Variants in SMU1 observed in about 807,000 individuals in gnomAD.
The protein encoded by SMU1 is SMU1 DNA replication regulator and spliceosomal factor.
In SMU1, 2 loss-of-function variants were observed where a neutral mutation model predicts 62.0. That is an observed-to-expected ratio of 0.03 (90% CI 0.01 to 0.10). The LOEUF is 0.10. Among genes scored for constraint, SMU1 ranks in the 10% least tolerant of loss-of-function variants. The pLI is 1.00. For synonymous variants in SMU1, 188 were observed against 212.4 expected (o/e 0.89, Z 1.00); for missense variants, 227 against 622.1 (o/e 0.36, Z 6.76).
intron 3 of SMU1, 79 bp downstream of exon 3, chr9:33,071,661 G>C: frequency 8.1e-7 from 1 of 1,233,240 alleles, no homozygotes; most frequent in Non-Finnish European, 1.1e-6. Context: ...ACAATAAAAT[G>C]GTAAAAAAAA....
intron 1 of SMU1, among the ~76,000 whole-genome samples, chr9:33,076,317 T>G (rs1839545312): frequency 6.6e-6 from 1 of 152,132 alleles, no homozygotes; most frequent in African/African-American, 2.4e-5. Context: ...GCGCCAGCAG[T>G]CGGCCAAGGA....
intron 6 of SMU1, 48 bp downstream of exon 6, chr9:33,060,417 G>C (rs777715001): frequency 6.6e-7 from 1 of 1,519,444 alleles, no homozygotes; most frequent in South Asian, 1.2e-5. Context: ...GTAATTCAAA[G>C]CAGGTAATTT....
chr9:33,051,529 G>A (rs1839249014), intron 10 of SMU1, among the ~76,000 whole-genome samples: 1 of 152,172 alleles, frequency 6.6e-6, no homozygotes, highest in African/African-American at 2.4e-5. Flanking sequence ...TCTGGCACGA[G>A]ATACTGATAG....
intron 4 of SMU1, among the ~76,000 whole-genome samples, chr9:33,066,913 A>G (rs989968114): frequency 6.6e-6 from 1 of 152,180 alleles, no homozygotes; most frequent in Non-Finnish European, 1.5e-5. Context: ...GTAACTGTGC[A>G]GCAATGCAAG....
chr9:33,046,099 T>C lies in SMU1; in HGVS notation c.*1194A>G, dbSNP rs1226688886. The C allele has an allele frequency of 1.3e-5, 2 of 152,208 alleles. No homozygotes were observed. Among genetic ancestry groups the C allele is most frequent in the Non-Finnish European group, 2.9e-5 (2 of 68,032 alleles). 9.4% of individuals were successfully genotyped at this position (152,208 alleles called of 1,614,324 possible). A position where few individuals can be genotyped will look rare whatever the true frequency, so the allele number is the denominator to read the frequency against. On this transcript the variant is annotated 3_prime_UTR_variant, in exon 12 of 12. Transcript: ENST00000397149. ...ATGCAAAATATTTTCAAGGGTTTTG[T>C]TGGCTTTTACATGTTTTTCTTTAGA...
intron 4 of SMU1, among the ~76,000 whole-genome samples, chr9:33,066,421 G>A (rs1449830409): frequency 4.0e-5 from 6 of 150,738 alleles, no homozygotes; most frequent in African/African-American, 9.8e-5. Context: ...TGGGCTCAGC[G>A]GCTTACACCT....
chr9:33,069,964 GA>G (rs1401685082), intron 3 of SMU1, among the ~76,000 whole-genome samples: 1 of 151,928 alleles, frequency 6.6e-6, no homozygotes, highest in Non-Finnish European at 1.5e-5. Flanking sequence ...CATCTCTACT[GA>G]AAACTCAAAA....
At position 33,076,563 on chromosome 9, in the gene SMU1, A is replaced by AT; in HGVS notation, c.26+19dup. On this transcript the variant is annotated intron_variant, in intron 1 of 11. Transcript: ENST00000397149. The stretch of plus-strand genomic sequence containing the variant: ...TCCAGGCCCCCGGCAAGGCGCGAAC[A>AT]TCCCCACCGCAGGACTCACTCCGAA... The AT allele has an allele frequency of 6.2e-7, 1 of 1,613,488 alleles. No individual in the cohort carries two copies. The highest frequency in any genetic ancestry group is 8.5e-7 in the Non-Finnish European group (1 of 1,179,984).
intron 3 of SMU1, among the ~76,000 whole-genome samples, chr9:33,071,011 G>T (rs143711017): frequency 9.2e-5 from 14 of 152,234 alleles, no homozygotes; most frequent in African/African-American, 3.4e-4. Context: ...TAAAATAACT[G>T]AAAGAATTGA....
intron 3 of SMU1, among the ~76,000 whole-genome samples, chr9:33,071,129 T>C (rs1410647893): frequency 1.3e-5 from 2 of 152,064 alleles, no homozygotes; most frequent in African/African-American, 4.8e-5. Flanking sequence ...CATAAATATA[T>C]ACACCTACTA....
At chr9:33,064,376 C>T (rs1048418693) in intron 4 of SMU1, among the ~76,000 whole-genome samples, 2 of 152,124 alleles carry the variant, frequency 1.3e-5, no homozygotes, top group African/African-American at 4.8e-5. Context: ...TATATTATCT[C>T]CCAGTGTTTT....
chr9:33,076,565 C>CCCCA lies in SMU1; in HGVS notation c.26+14_26+17dup. On this transcript the variant is annotated intron_variant, in intron 1 of 11. Coordinates refer to ENST00000397149, the MANE Select transcript of SMU1 (RefSeq NM_018225.3). ...CAGGCCCCCGGCAAGGCGCGAACAT[C>CCCCA]CCCACCGCAGGACTCACTCCGAAGA... The CCCCA allele has an allele frequency of 6.2e-7, 1 of 1,613,696 alleles. No individual in the cohort carries two copies. The highest frequency in any genetic ancestry group is 8.5e-7 in the Non-Finnish European group (1 of 1,180,024).
At chr9:33,055,041 A>C (rs1303396675) in intron 9 of SMU1, among the ~76,000 whole-genome samples, 1 of 152,240 alleles carries the variant, frequency 6.6e-6, no homozygotes, top group Non-Finnish European at 1.5e-5. Flanking sequence ...TGACTGAAGT[A>C]CTAACAGCTC....
chr9:33,064,627 G>A (rs1839399316), intron 4 of SMU1, among the ~76,000 whole-genome samples: 1 of 152,106 alleles, frequency 6.6e-6, no homozygotes, highest in Non-Finnish European at 1.5e-5. Context: ...AGATGTTCTT[G>A]TGTCCACTAC....
intron 5 of SMU1, 62 bp downstream of exon 5, chr9:33,061,987 C>T (rs1256520111): frequency 6.4e-7 from 1 of 1,565,216 alleles, no homozygotes; most frequent in African/African-American, 1.4e-5. Context: ...CAGGGCCTGG[C>T]TGAGCCCATG....
chr9:33,069,227 G>A (rs1256950161), intron 3 of SMU1, among the ~76,000 whole-genome samples: 1 of 152,164 alleles, frequency 6.6e-6, no homozygotes, highest in East Asian at 1.9e-4. Context: ...TCTGAAAAGA[G>A]TCCAAGTAAA....
chr9:33,056,576 G>C (rs1017615052), intron 8 of SMU1, among the ~76,000 whole-genome samples: 2 of 152,148 alleles, frequency 1.3e-5, no homozygotes, highest in African/African-American at 4.8e-5. Flanking sequence ...TATGATGCAG[G>C]TAGGTCCATA....
chr9:33,068,948 G>A lies in SMU1; in HGVS notation c.391-14C>T, dbSNP rs781598120. 19 of 1,613,460 alleles carry A rather than the reference G, an allele frequency of 1.2e-5. No homozygotes were observed. In the Admixed American group the frequency reaches 3.0e-4, roughly 26 times the overall value. On this transcript the variant is annotated splice_polypyrimidine_tract_variant and intron_variant, in intron 3 of 11. Coordinates refer to ENST00000397149, the MANE Select transcript of SMU1 (RefSeq NM_018225.3). ...ATCTGGGTATGCCTGAAAAAGGAGA[G>A]GGTGTAGCATCATTTCCAAGAAGCA...
chr9:33,062,765 T>C (rs1216435611), intron 4 of SMU1, among the ~76,000 whole-genome samples: 1 of 152,218 alleles, frequency 6.6e-6, no homozygotes. Context: ...TGAACATCTT[T>C]GGACATAAAG....
Sources: allele counts gnomAD v4.1 joint callset (sites outside exome capture counted in the v4.1 genomes callset), GRCh38; gene constraint gnomAD v4.1.1; transcripts MANE v1.5; gene names NCBI Gene and HGNC (gene_info 2026-07-23, HGNC 2026-07-21).